NCKAP5: variants seen among roughly 807,000 people sequenced by gnomAD.
The protein encoded by NCKAP5 is NCK associated protein 5.
A neutral mutation model predicts 167.0 loss-of-function variants in NCKAP5; 92 were observed. The observed-to-expected ratio is 0.55, with a 90% CI of 0.47 to 0.66. The LOEUF is 0.66. Ranked by LOEUF, NCKAP5 falls within the 30% of genes least tolerant of loss-of-function variation. NCKAP5 has a pLI of 0.00. For missense variants in NCKAP5, 2,378 were observed against 2,315.0 expected (o/e 1.03, Z -0.56); for synonymous variants, 891 against 877.4 (o/e 1.02, Z -0.27).
intron 4 of NCKAP5, among the ~76,000 whole-genome samples, chr2:133,286,988 C>A (rs927758960): frequency 6.6e-6 from 1 of 152,070 alleles, no homozygotes; most frequent in African/African-American, 2.4e-5. Context: ...AGAATCCATC[C>A]CATACTATAT....
At chr2:133,453,713 C>G (rs1691683260) in intron 3 of NCKAP5, among the ~76,000 whole-genome samples, 1 of 151,970 alleles carries the variant, frequency 6.6e-6, no homozygotes, top group Non-Finnish European at 1.5e-5. Context: ...AACGTGCTCT[C>G]TAATGAATGG....
chr2:133,517,471 TCTAGAGACAGC>T lies in NCKAP5; in HGVS notation c.45_55del (p.Leu16GlnfsTer11), dbSNP rs1324924469. On this transcript the variant is annotated frameshift_variant, in exon 3 of 20. Transcript: ENST00000409261. LOFTEE classifies it high-confidence loss of function. Reference sequence around the variant, plus strand: ...TTTAGTACTTACCACAAGACTGCTGTCTAGAGACAGCCTTTTTCCAAAGTCCCTTTTCTCAA... The same window carrying T: ...TTTAGTACTTACCACAAGACTGCTGTCTTTTTCCAAAGTCCCTTTTCTCAA... 6.6e-7 allele frequency: 1 copy of T among 1,520,962 alleles called. No individual in the cohort carries two copies. Among genetic ancestry groups the T allele is most frequent in the East Asian group, 2.4e-5 (1 of 41,200 alleles). The allele number at this position is 1,520,962 out of a possible 1,614,324, so 94.2% of individuals were successfully genotyped here.
At chr2:133,647,329 C>T in the NCKAP5 span, among the ~76,000 whole-genome samples, 993 of 104,120 alleles carry the variant, frequency 9.5e-3, 17 homozygotes, top group African/African-American at 0.037. Context: ...AGAGCAAGAC[C>T]GAAAAAAGAA....
intron 3 of NCKAP5, among the ~76,000 whole-genome samples, chr2:133,323,810 G>C (rs1682237795): frequency 6.6e-6 from 1 of 152,210 alleles, no homozygotes. Context: ...CTGAGGCTCT[G>C]TGGACACCTG....
rs1372381001 is a variant in NCKAP5, at chr2:132,959,055, A to G, written c.579+4665T>C. Among the ~76,000 whole-genome samples the G allele has an allele frequency of 4.1e-5, 6 of 147,104 alleles. No homozygotes were observed. The East Asian group carries it at 1.2e-3, about 29-fold the overall frequency. ...ACTATTATTAAATATTATATTATTT[A>G]TATATAAATATATTAATAATATATT... On this transcript the variant is annotated intron_variant, in intron 8 of 19. Coordinates refer to ENST00000409261, the MANE Select transcript of NCKAP5 (RefSeq NM_207363.3).
intron 5 of NCKAP5, among the ~76,000 whole-genome samples, chr2:133,190,507 C>T (rs1388700417): frequency 2.0e-5 from 3 of 152,082 alleles, no homozygotes; most frequent in African/African-American, 4.8e-5. Flanking sequence ...TCACTCTACC[C>T]AACTTCAAAC....
chr2:132,769,003 G>C (rs1374841654), intron 16 of NCKAP5, among the ~76,000 whole-genome samples: 1 of 147,198 alleles, frequency 6.8e-6, no homozygotes, highest in Non-Finnish European at 1.5e-5. Flanking sequence ...GGAGTGCAGT[G>C]GTGTGATCAT....
intron 3 of NCKAP5, chr2:133,391,322 C>T (rs1266236202): frequency 6.2e-6 from 1 of 160,094 alleles, no homozygotes; most frequent in Non-Finnish European, 1.5e-5. Context: ...AGACACCTGC[C>T]TAGGCAGCCA....
intron 5 of NCKAP5, among the ~76,000 whole-genome samples, chr2:133,137,593 C>G (rs532633156): frequency 6.6e-6 from 1 of 152,072 alleles, no homozygotes; most frequent in Non-Finnish European, 1.5e-5. Context: ...TAGACAGGAG[C>G]TCTATAACAG....
chr2:133,201,530 ATATCAAT>A (rs2085687052), intron 5 of NCKAP5, among the ~76,000 whole-genome samples: 1 of 152,210 alleles, frequency 6.6e-6, no homozygotes, highest in South Asian at 2.1e-4. Context: ...TACATAAAGT[ATATCAAT>A]GATTGTTTAT....
At chr2:133,557,070 G>A (rs1687791856) in intron 2 of NCKAP5, among the ~76,000 whole-genome samples, 1 of 152,196 alleles carries the variant, frequency 6.6e-6, no homozygotes, top group Non-Finnish European at 1.5e-5. Flanking sequence ...CAAACCACAT[G>A]CCTAGCAATG....
chr2:132,947,784 T>C (rs1031371214), intron 8 of NCKAP5, among the ~76,000 whole-genome samples: 1 of 152,214 alleles, frequency 6.6e-6, no homozygotes, highest in African/African-American at 2.4e-5. Context: ...ATTCACAAGA[T>C]TTCACTTCGG....
In NCKAP5 at chr2:133,307,936, A is replaced by G. The variant is rs116121454; in HGVS notation, c.70-4826T>C. Among the ~76,000 whole-genome samples the G allele has an allele frequency of 7.1e-3, 1,076 of 152,100 alleles. 14 individuals are homozygous for G. The highest frequency in any genetic ancestry group is 0.012 in the Non-Finnish European group (826 of 67,992). On this transcript the variant is annotated intron_variant, in intron 3 of 19. Transcript: ENST00000409261. ...TTTAAAAAGTAATTACAAAACAAAC[A>G]TAAAATCCCAGAGAGAAAAAGTGGA...
chr2:132,930,054 C>G (rs1235073827), intron 8 of NCKAP5: 1 of 152,190 alleles, frequency 6.6e-6, no homozygotes, highest in Non-Finnish European at 1.5e-5. Flanking sequence ...CCAGTGATAA[C>G]AGCCTTGCAG....
chr2:133,644,815 A>G, the NCKAP5 span, among the ~76,000 whole-genome samples: 3 of 152,298 alleles, frequency 2.0e-5, no homozygotes, highest in South Asian at 6.2e-4. Flanking sequence ...TAATCAATAC[A>G]TGTTATATCG....
At position 132,674,795 on chromosome 2, in the gene NCKAP5, C is replaced by T. The variant is rs528007431; in HGVS notation, c.5714-1490G>A. ...TAATTCTATGGGAATATTTGAAAATCATCCTAGATCTAGTGCTTATTTCAT... is the reference window on the plus strand; with the variant it reads ...TAATTCTATGGGAATATTTGAAAATTATCCTAGATCTAGTGCTTATTTCAT... On this transcript the variant is annotated intron_variant, in intron 19 of 19. Transcript: ENST00000409261. 8.5e-5 allele frequency among the ~76,000 whole-genome samples: 13 copies of T among 152,248 alleles called. 1 individual carries two copies. In the East Asian group the frequency reaches 2.5e-3, roughly 29 times the overall value.
intron 11 of NCKAP5, among the ~76,000 whole-genome samples, chr2:132,827,980 CA>C (rs1318985265): frequency 6.6e-6 from 1 of 152,104 alleles, no homozygotes; most frequent in Non-Finnish European, 1.5e-5. Context: ...GCTTTGAAGT[CA>C]GATTGAAGCA....
At chr2:133,139,099 G>A (rs2082903787) in intron 5 of NCKAP5, among the ~76,000 whole-genome samples, 1 of 152,112 alleles carries the variant, frequency 6.6e-6, no homozygotes, top group East Asian at 1.9e-4. Flanking sequence ...GTGACCCTCA[G>A]GTGTATCACA....
chr2:133,576,541 A>G, the NCKAP5 span, among the ~76,000 whole-genome samples: 2 of 152,384 alleles, frequency 1.3e-5, no homozygotes, highest in African/African-American at 4.8e-5. Flanking sequence ...TTCAGGTTCT[A>G]TGTATATTTT....
Sources: gnomAD v4.1 joint callset for allele counts (sites outside exome capture counted in the v4.1 genomes callset) on GRCh38, gnomAD v4.1.1 for gene constraint, MANE v1.5 for transcripts, NCBI Gene and HGNC (gene_info 2026-07-23, HGNC 2026-07-21) for gene names.